CNTN5: variants seen among roughly 807,000 people sequenced by gnomAD.
CNTN5 encodes the protein contactin 5.
In CNTN5, 77 loss-of-function variants were observed where a neutral mutation model predicts 129.1. The observed-to-expected ratio is 0.60, with a 90% confidence interval of 0.50 to 0.72. The LOEUF (loss-of-function observed/expected upper bound fraction) is 0.72. Ranked by LOEUF, CNTN5 falls within the 30% of genes least tolerant of loss-of-function variation. The pLI is 0.00. For missense variants in CNTN5, 1,478 were observed against 1,328.8 expected (o/e 1.11, Z -1.75); for synonymous variants, 509 against 465.6 (o/e 1.09, Z -1.20).
At chr11:99,949,584 G>C (rs570449065) in intron 7 of CNTN5, among the ~76,000 whole-genome samples, 6 of 152,006 alleles carry the variant, frequency 3.9e-5, no homozygotes, top group South Asian at 2.1e-4. Context: ...AGTAAACACT[G>C]GCCCTAGACC....
At chr11:99,413,624 AC>A (rs200687492) in intron 2 of CNTN5, among the ~76,000 whole-genome samples, 27,377 of 147,206 alleles carry the variant, frequency 0.19, 2,565 homozygotes, top group East Asian at 0.31. Context: ...ATCTCAAAAA[AC>A]AAAACAAAAC....
intron 3 of CNTN5, among the ~76,000 whole-genome samples, chr11:99,688,459 GT>G (rs1204033600): frequency 1.3e-5 from 2 of 152,172 alleles, no homozygotes; most frequent in African/African-American, 4.8e-5. Context: ...CTTACAACAG[GT>G]GAGGTTGGGA....
chr11:100,009,385 G>T (rs1200940741), intron 9 of CNTN5, among the ~76,000 whole-genome samples: 1 of 152,054 alleles, frequency 6.6e-6, no homozygotes, highest in Non-Finnish European at 1.5e-5. Flanking sequence ...AGAAAAATGG[G>T]AAGTGTTTCA....
intron 6 of CNTN5, among the ~76,000 whole-genome samples, chr11:99,901,947 A>G (rs1003935983): frequency 6.6e-6 from 1 of 152,148 alleles, no homozygotes. Flanking sequence ...TGAGGTAGGT[A>G]TTGTTATTCC....
intron 1 of CNTN5, among the ~76,000 whole-genome samples, chr11:99,108,166 A>G (rs148925946): frequency 4.6e-4 from 70 of 152,284 alleles, no homozygotes; most frequent in African/African-American, 1.4e-3. Flanking sequence ...ATTACAGTGG[A>G]TTAGAATTTG....
chr11:99,707,502 C>A (rs912380721), intron 3 of CNTN5, among the ~76,000 whole-genome samples: 2 of 151,670 alleles, frequency 1.3e-5, no homozygotes, highest in African/African-American at 2.4e-5. Flanking sequence ...AAATGAATTA[C>A]ACTGGAGTGA....
intron 3 of CNTN5, among the ~76,000 whole-genome samples, chr11:99,746,671 G>A (rs1004718695): frequency 6.6e-6 from 1 of 152,132 alleles, no homozygotes; most frequent in Non-Finnish European, 1.5e-5. Flanking sequence ...GGTCTAGGGT[G>A]GAATAGTTTC....
intron 1 of CNTN5, among the ~76,000 whole-genome samples, chr11:99,039,712 C>T (rs1039613517): frequency 5.3e-5 from 8 of 152,088 alleles, no homozygotes; most frequent in African/African-American, 1.9e-4. Flanking sequence ...TGTGTGTGTA[C>T]TTGCTCCTGA....
At chr11:99,590,385 T>G (rs918232857) in intron 3 of CNTN5, among the ~76,000 whole-genome samples, 5 of 152,190 alleles carry the variant, frequency 3.3e-5, no homozygotes, top group African/African-American at 1.2e-4. Flanking sequence ...GTTTATTAGC[T>G]GTATGACTTT....
intron 13 of CNTN5, among the ~76,000 whole-genome samples, chr11:100,157,154 A>C (rs1947272644): frequency 6.6e-6 from 1 of 151,946 alleles, no homozygotes; most frequent in Non-Finnish European, 1.5e-5. Context: ...TAGTTGAAGC[A>C]GTATTTTGTT....
At chr11:99,377,271 A>G (rs1044231302) in intron 2 of CNTN5, among the ~76,000 whole-genome samples, 1 of 151,754 alleles carries the variant, frequency 6.6e-6, no homozygotes, top group African/African-American at 2.4e-5. Flanking sequence ...GTATCTTTAT[A>G]TTTTTCTTAT....
At chr11:100,012,598 A>T (rs1179884600) in intron 9 of CNTN5, among the ~76,000 whole-genome samples, 1 of 152,188 alleles carries the variant, frequency 6.6e-6, no homozygotes, top group Non-Finnish European at 1.5e-5. Flanking sequence ...CTGCCTCAGG[A>T]GAGAAACTGT....
At chr11:99,082,676 A>C (rs1212732726) in intron 1 of CNTN5, among the ~76,000 whole-genome samples, 1 of 152,234 alleles carries the variant, frequency 6.6e-6, no homozygotes, top group African/African-American at 2.4e-5. Context: ...ACACAATTCT[A>C]AGTGTTATTC....
chr11:99,092,438 TAA>T (rs1866290278), intron 1 of CNTN5, among the ~76,000 whole-genome samples: 1 of 152,054 alleles, frequency 6.6e-6, no homozygotes, highest in South Asian at 2.1e-4. Context: ...TTATCACACT[TAA>T]GAGTACATGT....
At chr11:99,229,172 T>C (rs1162728033) in intron 1 of CNTN5, among the ~76,000 whole-genome samples, 2 of 152,082 alleles carry the variant, frequency 1.3e-5, no homozygotes, top group East Asian at 3.8e-4. Flanking sequence ...ATGTGTTATA[T>C]TGAGTAAATG....
chr11:99,188,752 T>A (rs926569083), intron 1 of CNTN5, among the ~76,000 whole-genome samples: 15 of 151,712 alleles, frequency 9.9e-5, no homozygotes, highest in African/African-American at 2.9e-4. Context: ...ACAAAAAAAA[T>A]TTATTGGATA....
intron 15 of CNTN5, among the ~76,000 whole-genome samples, chr11:100,201,927 G>A (rs1176016997): frequency 6.6e-6 from 1 of 151,994 alleles, no homozygotes; most frequent in Non-Finnish European, 1.5e-5. Flanking sequence ...GCATAGAGAT[G>A]ATTAGTGTAC....
intron 8 of CNTN5, among the ~76,000 whole-genome samples, chr11:99,978,658 G>A (rs1938148273): frequency 6.6e-6 from 1 of 152,186 alleles, no homozygotes; most frequent in Non-Finnish European, 1.5e-5. Context: ...ATACCATATA[G>A]CCGAGGTATG....
intron 21 of CNTN5, among the ~76,000 whole-genome samples, chr11:100,322,021 T>G (rs1387440288): frequency 6.6e-6 from 1 of 152,208 alleles, no homozygotes; most frequent in Admixed American, 6.5e-5. Flanking sequence ...TGTCCTTGCC[T>G]GGCTTTGGTA....
Sources: allele counts gnomAD v4.1 joint callset (sites outside exome capture counted in the v4.1 genomes callset), GRCh38; gene constraint gnomAD v4.1.1; transcripts MANE v1.5; gene names NCBI Gene and HGNC (gene_info 2026-07-23, HGNC 2026-07-21).